The following YTHDC2 variants were observed in gnomAD, a reference collection of about 807,000 sequenced individuals.
YTHDC2 encodes 3'-5' RNA helicase YTHDC2.
A neutral mutation model predicts 174.9 loss-of-function variants in YTHDC2; 45 were observed. That is an observed-to-expected ratio of 0.26 (90% CI 0.20 to 0.33). The LOEUF is 0.33. Among genes scored for constraint, YTHDC2 ranks in the 10% least tolerant of loss-of-function variants. The pLI is 1.00. For missense variants in YTHDC2, 1,650 were observed against 1,723.7 expected (o/e 0.96, Z 0.76); for synonymous variants, 657 against 574.5 (o/e 1.14, Z -2.05).
At position 113,577,758 on chromosome 5, in the gene YTHDC2, A is replaced by G. The variant is rs563110399; in HGVS notation, c.3245-1828A>G. Among the ~76,000 whole-genome samples the G allele has an allele frequency of 5.3e-4, 80 of 152,284 alleles. No individual in the cohort carries two copies. The Middle Eastern group carries it at 0.01, about 19-fold the overall frequency. On this transcript the variant is annotated intron_variant, in intron 23 of 29. Coordinates refer to ENST00000161863, the MANE Select transcript of YTHDC2 (RefSeq NM_022828.5). The stretch of plus-strand genomic sequence containing the variant: ...TTATTTTAAATTTATCTTAAAAAAT[A>G]TATATTTTTGGTAACTTTTATAAAG...
intron 5 of YTHDC2, 131 bp downstream of exon 5, chr5:113,533,176 A>G: frequency 1.0e-6 from 1 of 961,920 alleles, no homozygotes; most frequent in Non-Finnish European, 1.5e-6. Context: ...CTACATCAAG[A>G]TATTAAAGTC....
rs577201853 is a variant in YTHDC2 at position 113,517,203 on chromosome 5, A to C, written c.278+1841A>C. On this transcript the variant is annotated intron_variant, in intron 2 of 29. Transcript: ENST00000161863. ...AATATTCACACTGAGACTATTAATA[A>C]CCTCATGTCAGTTTAATCACGTGAT... 8.5e-5 allele frequency among the ~76,000 whole-genome samples: 13 copies of C among 152,294 alleles called. No individual in the cohort carries two copies. In the East Asian group the frequency reaches 1.2e-3, roughly 14 times the overall value.
At chr5:113,566,239 G>T (rs1431511481) in intron 21 of YTHDC2, among the ~76,000 whole-genome samples, 1 of 152,070 alleles carries the variant, frequency 6.6e-6, no homozygotes, top group African/African-American at 2.4e-5. Flanking sequence ...GAAATCTAGG[G>T]ACAGAATCTA....
chr5:113,576,279 CA>C (rs1778039531), intron 23 of YTHDC2, among the ~76,000 whole-genome samples: 2 of 151,952 alleles, frequency 1.3e-5, no homozygotes, highest in African/African-American at 2.4e-5. Flanking sequence ...GTGTTGGAGG[CA>C]AATCTGTTTC....
Position 113,591,991 on chromosome 5 carries a change from T to C in YTHDC2, c.4030-5T>C, listed in dbSNP as rs1254046546. ...CTCTATTCCTTCCTCCCATTTTACC[T>C]ACAGGGATTTTCTAGGATGTCTTCT... On this transcript the variant is annotated splice_region_variant and splice_polypyrimidine_tract_variant and intron_variant, in intron 27 of 29. Transcript: ENST00000161863. 1.9e-6 allele frequency: 3 copies of C among 1,600,144 alleles called. No homozygotes were observed. Among genetic ancestry groups the C allele is most frequent in the South Asian group, 2.2e-5 (2 of 89,110 alleles).
chr5:113,514,026 A>G lies in YTHDC2; in HGVS notation c.131A>G (p.Glu44Gly), dbSNP rs1372929745. The change falls in exon 1 of 30, where the codon GAG (glutamate) becomes GGG (glycine). Residue 44 changes from glutamate (E) to glycine (G), a missense_variant. Physicochemically the swap from Glu to Gly is moderately conservative, Grantham distance 98 (BLOSUM62 -2). This residue lies in a region of YTHDC2 where 304 missense variants were observed against 341.4 expected (regional missense o/e 0.89). Transcript: ENST00000161863. ...KGLKDIRIDE[E>G]VKIAVNIALE... ...CTGAAGGACATTCGCATTGATGAGGAGGTGAAGATCGCAGTCAATATCGCG... is the reference window on the plus strand; with the variant it reads ...CTGAAGGACATTCGCATTGATGAGGGGGTGAAGATCGCAGTCAATATCGCG... 6.2e-7 allele frequency: 1 copy of G among 1,611,360 alleles called. No individual in the cohort carries two copies. The highest frequency in any genetic ancestry group is 1.3e-5 in the African/African-American group (1 of 74,784).
At chr5:113,519,946 C>T (rs1424686377) in intron 2 of YTHDC2, among the ~76,000 whole-genome samples, 1 of 152,116 alleles carries the variant, frequency 6.6e-6, no homozygotes, top group African/African-American at 2.4e-5. Context: ...AGGTTTGTTA[C>T]ATAGGTATAC....
chr5:113,525,165 G>A lies in YTHDC2; in HGVS notation c.463G>A (p.Ala155Thr). Residue 155 changes from alanine to threonine, a missense_variant, in exon 3 of 30, where the codon GCA (alanine) becomes ACA (threonine). By Grantham distance (58) the Ala-to-Thr change is moderately conservative. Transcript: ENST00000161863. ...LPKTERGNVF[A>T]VEAENREMSK... ...TAAAACAGAAAGAGGAAATGTGTTT[G>A]CAGTTGAAGCTGGTATGTATTTTCT... 1.3e-6 allele frequency: 2 copies of A among 1,596,150 alleles called. No homozygotes were observed. Among genetic ancestry groups the A allele is most frequent in the East Asian group, 4.6e-5 (2 of 43,866 alleles).
At chr5:113,577,020 C>T in intron 23 of YTHDC2, among the ~76,000 whole-genome samples, 1 of 152,150 alleles carries the variant, frequency 6.6e-6, no homozygotes, top group South Asian at 2.1e-4. Flanking sequence ...TGGCCTAAAA[C>T]AAAGATCTAA....
At chr5:113,540,142 T>C (rs10071966) in intron 8 of YTHDC2, among the ~76,000 whole-genome samples, 95,329 of 152,092 alleles carry the variant, frequency 0.63, 32,330 homozygotes, top group African/African-American at 0.9. Flanking sequence ...CTTGCCTCAG[T>C]GTCCTAAAGT....
chr5:113,587,511 A>G lies in YTHDC2; in HGVS notation c.3825+3032A>G, dbSNP rs986794154. On this transcript the variant is annotated intron_variant, in intron 26 of 29. Transcript: ENST00000161863. ...TTCATATAATATATATAATGTATTT[A>G]TATGTAATATATATTATGTATTTAT... is the stretch of plus-strand genomic sequence containing the variant. 4.4e-5 allele frequency among the ~76,000 whole-genome samples: 6 copies of G among 134,964 alleles called. 2 individuals are homozygous for G. The highest frequency in any genetic ancestry group is 8.3e-5 in the African/African-American group (3 of 36,006). The allele number at this position is 134,964 out of a possible 152,430, so 88.5% of individuals were successfully genotyped here. A position where few individuals can be genotyped will look rare whatever the true frequency, so the allele number is the denominator to read the frequency against.
At position 113,539,148 on chromosome 5, in the gene YTHDC2, G is replaced by A. The variant is rs752118385; in HGVS notation, c.1177G>A (p.Glu393Lys). 7.1e-7 allele frequency: 1 copy of A among 1,400,106 alleles called. No individual in the cohort carries two copies. Among genetic ancestry groups the A allele is most frequent in the East Asian group, 2.5e-5 (1 of 39,276 alleles). 86.7% of individuals were successfully genotyped at this position (1,400,106 alleles called of 1,614,324 possible). A position where few individuals can be genotyped will look rare whatever the true frequency, so the allele number is the denominator to read the frequency against. ...ILRTTGYTNK[E>K]MLKYKKEKQQ... ...AAGAACAACTGGATATACAAACAAA[G>A]AAATGTTAAAATATAAAAAGGAAAA... The change falls in exon 8 of 30, where the codon GAA (glutamate) becomes AAA (lysine). Residue 393 changes from glutamate to lysine, a missense_variant. Transcript: ENST00000161863.
intron 28 of YTHDC2, 38 bp from the exon 29 acceptor site, chr5:113,593,265 G>T (rs748289038): frequency 1.2e-5 from 19 of 1,554,166 alleles, no homozygotes; most frequent in Middle Eastern, 1.7e-4. Flanking sequence ...TTTCACTCCA[G>T]TTCTTTTTAT....
chr5:113,519,420 T>TAATGAAAAC (rs1773709201), intron 2 of YTHDC2, among the ~76,000 whole-genome samples: 2 of 152,226 alleles, frequency 1.3e-5, no homozygotes, highest in South Asian at 2.1e-4. Context: ...GGCTTGTTTA[T>TAATGAAAAC]AATGAAAACA....
intron 23 of YTHDC2, among the ~76,000 whole-genome samples, chr5:113,572,001 G>T (rs1454816691): frequency 3.3e-5 from 5 of 151,980 alleles, no homozygotes; most frequent in Admixed American, 1.3e-4. Context: ...GTTATTTCAT[G>T]TCTTCTGCTA....
intron 7 of YTHDC2, among the ~76,000 whole-genome samples, chr5:113,538,791 G>T (rs1206589067): frequency 6.6e-6 from 1 of 152,022 alleles, no homozygotes; most frequent in Non-Finnish European, 1.5e-5. Context: ...AAATAGCTCT[G>T]TTTCCTCTTA....
intron 6 of YTHDC2, 48 bp from the exon 7 acceptor site, chr5:113,535,594 A>G (rs773565057): frequency 2.0e-6 from 3 of 1,488,708 alleles, no homozygotes; most frequent in East Asian, 2.4e-5. Flanking sequence ...AGACTTAGTC[A>G]TCAATAATGT....
intron 23 of YTHDC2, among the ~76,000 whole-genome samples, chr5:113,570,345 G>C (rs1777637395): frequency 6.6e-6 from 1 of 152,056 alleles, no homozygotes; most frequent in Non-Finnish European, 1.5e-5. Context: ...TGATCCATCT[G>C]CCTGCCTTGG....
intron 24 of YTHDC2, among the ~76,000 whole-genome samples, chr5:113,580,904 A>ATT (rs1167126039): frequency 6.6e-6 from 1 of 152,030 alleles, no homozygotes; most frequent in Non-Finnish European, 1.5e-5. Flanking sequence ...TGTGCCTTAA[A>ATT]TTTTAAGTTC....
Sources: gnomAD v4.1 joint callset for allele counts (sites outside exome capture counted in the v4.1 genomes callset) on GRCh38, gnomAD v4.1.1 for gene constraint, gnomAD v4.1.1 regional missense constraint, MANE v1.5 for transcripts, NCBI Gene and HGNC (gene_info 2026-07-23, HGNC 2026-07-21) for gene names.